Variants in ADGRV1 observed in about 807,000 individuals in gnomAD.
The protein encoded by ADGRV1 is G-protein coupled receptor 98.
ADGRV1 carries 359 observed loss-of-function variants against 596.2 expected under a neutral mutation model. The ratio of observed to expected loss-of-function variants is 0.60; its 90% CI spans 0.55 to 0.66. ADGRV1 has a LOEUF of 0.66. ADGRV1 is among the 30% of genes least tolerant of loss of function. ADGRV1 has a pLI of 0.00. For synonymous variants in ADGRV1, 2,681 were observed against 2,679.2 expected (o/e 1.00, Z -0.02); for missense variants, 7,274 against 7,575.6 (o/e 0.96, Z 1.48).
chr5:90,772,330 T>C (rs1757781347), intron 59 of ADGRV1, among the ~76,000 whole-genome samples: 1 of 152,184 alleles, frequency 6.6e-6, no homozygotes, highest in Non-Finnish European at 1.5e-5. Context: ...AGCCAACACC[T>C]TGACTTTGTT....
chr5:90,661,840 GA>G (rs1400788410), intron 21 of ADGRV1, among the ~76,000 whole-genome samples: 1 of 152,042 alleles, frequency 6.6e-6, no homozygotes, highest in East Asian at 1.9e-4. Context: ...TTTAATATTA[GA>G]AAAAAGGTTT....
At chr5:90,947,867 A>G (rs183426211) in intron 83 of ADGRV1, among the ~76,000 whole-genome samples, 6 of 152,306 alleles carry the variant, frequency 3.9e-5, no homozygotes, top group Admixed American at 1.3e-4. Flanking sequence ...TGTAGTTTAA[A>G]TAAACATGAT....
intron 77 of ADGRV1, among the ~76,000 whole-genome samples, chr5:90,839,713 T>C (rs1765268668): frequency 6.6e-6 from 1 of 152,250 alleles, no homozygotes; most frequent in Non-Finnish European, 1.5e-5. Flanking sequence ...AGAGCTTCTA[T>C]GTCCAGTTTT....
intron 83 of ADGRV1, among the ~76,000 whole-genome samples, chr5:90,942,198 G>A (rs114385085): frequency 0.017 from 2,653 of 152,302 alleles, 72 homozygotes; most frequent in African/African-American, 0.059. Context: ...TAAGATGATA[G>A]CAAGTGAGTT....
At chr5:90,970,562 A>AGCAATATTTGATGTTCT (rs558401638) in intron 84 of ADGRV1, among the ~76,000 whole-genome samples, 1 of 127,232 alleles carries the variant, frequency 7.9e-6, no homozygotes, top group African/African-American at 3.3e-5. Context: ...TTTGCTGTTC[A>AGCAATATTTGATGTTCT]GCAGCCTCTG....
At chr5:91,086,377 C>G (rs1789877234) in intron 86 of ADGRV1, among the ~76,000 whole-genome samples, 2 of 152,160 alleles carry the variant, frequency 1.3e-5, no homozygotes, top group South Asian at 4.1e-4. Context: ...CCTAATTGCT[C>G]TGATCTCAGT....
At chr5:90,668,330 C>G (rs1771855657) in intron 21 of ADGRV1, among the ~76,000 whole-genome samples, 1 of 152,082 alleles carries the variant, frequency 6.6e-6, no homozygotes, top group Non-Finnish European at 1.5e-5. Flanking sequence ...TTTTTTAAGC[C>G]CGTCGGAAAA....
rs1745581141 is a variant in ADGRV1 at position 90,686,017 on chromosome 5, G to A, written c.6490+22G>A. ...GCTGGTAAGAAAAGACATCTAAAAA[G>A]CAGTACATACAGAGGGATGTAAGCA... On this transcript the variant is annotated intron_variant, in intron 29 of 89. Coordinates refer to ENST00000405460, the MANE Select transcript of ADGRV1 (RefSeq NM_032119.4). 7 of 1,509,236 alleles carry A rather than the reference G, an allele frequency of 4.6e-6. No individual in the cohort carries two copies. In the East Asian group the frequency reaches 1.2e-4, roughly 26 times the overall value. 93.5% of individuals were successfully genotyped at this position (1,509,236 alleles called of 1,614,324 possible). A position where few individuals can be genotyped will look rare whatever the true frequency, so the allele number is the denominator to read the frequency against.
At chr5:90,921,486 T>A (rs1442000497) in intron 83 of ADGRV1, among the ~76,000 whole-genome samples, 1 of 152,170 alleles carries the variant, frequency 6.6e-6, no homozygotes, top group African/African-American at 2.4e-5. Flanking sequence ...ACTGAATATC[T>A]CCAACAGGAT....
intron 52 of ADGRV1, among the ~76,000 whole-genome samples, chr5:90,748,723 T>C (rs778888654): frequency 1.3e-5 from 2 of 152,086 alleles, no homozygotes; most frequent in African/African-American, 2.4e-5. Context: ...TGATGGAAAA[T>C]TGCAGCTCCC....
At position 90,706,403 on chromosome 5, in the gene ADGRV1, CTT is replaced by C. The variant is rs60522638; in HGVS notation, c.8730+20_8730+21del. 1.1e-4 allele frequency: 152 copies of C among 1,371,986 alleles called. No individual in the cohort carries two copies. The highest frequency in any genetic ancestry group is 1.9e-4 in the South Asian group (13 of 68,574). 85.0% of individuals were successfully genotyped at this position (1,371,986 alleles called of 1,614,324 possible). A position where few individuals can be genotyped will look rare whatever the true frequency, so the allele number is the denominator to read the frequency against. Reference sequence around the variant, plus strand: ...ACATTACCATTCTTGAGGTAAAACTCTTTTTTTTTTTTAATCTTAGGGGGAGA... The same window carrying C: ...ACATTACCATTCTTGAGGTAAAACTCTTTTTTTTTTAATCTTAGGGGGAGA... On this transcript the variant is annotated intron_variant, in intron 38 of 89. Transcript: ENST00000405460.
At chr5:91,074,662 C>T (rs1320322522) in intron 86 of ADGRV1, among the ~76,000 whole-genome samples, 1 of 152,180 alleles carries the variant, frequency 6.6e-6, no homozygotes, top group Non-Finnish European at 1.5e-5. Flanking sequence ...CATGGTAGAA[C>T]AATTTCTATT....
At chr5:90,912,592 G>C (rs1772989017) in intron 83 of ADGRV1, among the ~76,000 whole-genome samples, 1 of 152,004 alleles carries the variant, frequency 6.6e-6, no homozygotes, top group Non-Finnish European at 1.5e-5. Flanking sequence ...TTATGTCCAT[G>C]AGTACCTAAT....
At chr5:90,642,355 A>G (rs965440568) in intron 11 of ADGRV1, among the ~76,000 whole-genome samples, 5 of 152,182 alleles carry the variant, frequency 3.3e-5, no homozygotes, top group Non-Finnish European at 7.3e-5. Flanking sequence ...TATTGATAAC[A>G]TTTGGTTACA....
At chr5:90,612,985 A>C (rs569038576) in intron 1 of ADGRV1, among the ~76,000 whole-genome samples, 30 of 152,256 alleles carry the variant, frequency 2.0e-4, no homozygotes, top group Admixed American at 1.8e-3. Flanking sequence ...TCACTGAATC[A>C]GAATTTTTGA....
chr5:91,044,701 C>A (rs991991930), intron 85 of ADGRV1, among the ~76,000 whole-genome samples: 2 of 152,132 alleles, frequency 1.3e-5, no homozygotes, highest in African/African-American at 4.8e-5. Context: ...AATGAATTGA[C>A]TTTGCCTTTT....
At chr5:90,619,335 C>T (rs1763751274) in intron 4 of ADGRV1, among the ~76,000 whole-genome samples, 154 bp downstream of exon 4, 1 of 152,038 alleles carries the variant, frequency 6.6e-6, no homozygotes, top group South Asian at 2.1e-4. Context: ...TTCTGTAGAC[C>T]ATTCATTTGT....
chr5:91,026,438 T>A (rs1363160354), intron 85 of ADGRV1, among the ~76,000 whole-genome samples: 1 of 151,980 alleles, frequency 6.6e-6, no homozygotes, highest in Non-Finnish European at 1.5e-5. Flanking sequence ...TCAGTACAAT[T>A]CCCTTTCCCT....
chr5:90,929,824 T>G (rs542443482), intron 83 of ADGRV1, among the ~76,000 whole-genome samples: 1 of 152,344 alleles, frequency 6.6e-6, no homozygotes, highest in African/African-American at 2.4e-5. Context: ...TTTAAGTTGT[T>G]GACTAATATG....
Sources: allele counts gnomAD v4.1 joint callset (sites outside exome capture counted in the v4.1 genomes callset), GRCh38; gene constraint gnomAD v4.1.1; transcripts MANE v1.5; gene names NCBI Gene and HGNC (gene_info 2026-07-23, HGNC 2026-07-21).